Variants in OLFM2 observed in about 807,000 individuals in gnomAD.
The protein encoded by OLFM2 is noelin-2.
A neutral mutation model predicts 43.9 loss-of-function variants in OLFM2; 20 were observed. That is an observed-to-expected ratio of 0.46 (90% CI 0.32 to 0.66). OLFM2 has a LOEUF of 0.66. Ranked by LOEUF, OLFM2 falls within the 30% of genes least tolerant of loss-of-function variation. The pLI is 0.04. For synonymous variants in OLFM2, 268 were observed against 278.6 expected (o/e 0.96, Z 0.38); for missense variants, 416 against 643.6 (o/e 0.65, Z 3.83).
At chr19:9,877,587 AAAAT>A (rs2145450717) in intron 1 of OLFM2, among the ~76,000 whole-genome samples, 1 of 152,154 alleles carries the variant, frequency 6.6e-6, no homozygotes, top group Admixed American at 6.5e-5. Flanking sequence ...CAATAAAATA[AAAAT>A]AAAAAAAGTA....
intron 1 of OLFM2, among the ~76,000 whole-genome samples, chr19:9,923,070 G>T (rs10421548): frequency 0.12 from 17,587 of 152,094 alleles, 2,951 homozygotes; most frequent in African/African-American, 0.38. Context: ...AGACTGTACA[G>T]CAGTTTCTCC....
chr19:9,864,628 CT>C (rs1249631024), intron 1 of OLFM2, among the ~76,000 whole-genome samples: 1 of 150,494 alleles, frequency 6.6e-6, no homozygotes, highest in Non-Finnish European at 1.5e-5. Flanking sequence ...AAGATGGGGT[CT>C]TGCTGTCGCT....
chr19:9,883,394 C>T (rs1324125977), intron 1 of OLFM2, among the ~76,000 whole-genome samples: 3 of 152,050 alleles, frequency 2.0e-5, no homozygotes, highest in African/African-American at 7.2e-5. Flanking sequence ...AGCCTAGAGG[C>T]AGGCACGTCC....
At chr19:9,921,638 G>A (rs149806131) in intron 1 of OLFM2, among the ~76,000 whole-genome samples, 819 of 152,042 alleles carry the variant, frequency 5.4e-3, no homozygotes, top group African/African-American at 0.017. Context: ...ACAGGCGCCC[G>A]CCACCACACC....
At chr19:9,891,302 G>A (rs1190735538) in intron 1 of OLFM2, among the ~76,000 whole-genome samples, 1 of 133,072 alleles carries the variant, frequency 7.5e-6, no homozygotes, top group Non-Finnish European at 1.6e-5. Flanking sequence ...AACAGAGCGA[G>A]ACTCCATCTC....
At chr19:9,914,503 G>A (rs917076835) in intron 1 of OLFM2, among the ~76,000 whole-genome samples, 42 of 152,018 alleles carry the variant, frequency 2.8e-4, no homozygotes, top group Non-Finnish European at 4.6e-4. Context: ...TCGGCCACGG[G>A]AGGAGTTCCC....
intron 1 of OLFM2, among the ~76,000 whole-genome samples, chr19:9,904,055 C>T (rs893307834): frequency 6.6e-6 from 1 of 152,036 alleles, no homozygotes; most frequent in African/African-American, 2.4e-5. Context: ...GCTGCATTAC[C>T]TGGTTGGGCA....
chr19:9,858,140 A>G (rs962881981), intron 2 of OLFM2: 2 of 528,980 alleles, frequency 3.8e-6, no homozygotes, highest in Non-Finnish European at 6.9e-6. Flanking sequence ...CCTGTAGTCA[A>G]TTCTCTACAC....
Position 9,857,953 on chromosome 19 carries a change from G to A in OLFM2, c.214-92C>T, listed in dbSNP as rs1427331305. Reference sequence around the variant, plus strand: ...ACAAGAGCTGGCAGGAACAGAGGCTGTACAAACACCACACCGACGAGGCCA... The same window carrying A: ...ACAAGAGCTGGCAGGAACAGAGGCTATACAAACACCACACCGACGAGGCCA... On this transcript the variant is annotated intron_variant, in intron 2 of 5. Coordinates refer to ENST00000264833, the MANE Select transcript of OLFM2 (RefSeq NM_058164.4). This position sits in a 1 kb window ranked among gnomAD's most constrained non-coding sequence, Gnocchi z 5.7. 8.5e-6 allele frequency: 13 copies of A among 1,534,598 alleles called. No homozygotes were observed. The highest frequency in any genetic ancestry group is 2.3e-5 in the East Asian group (1 of 44,124).
intron 1 of OLFM2, among the ~76,000 whole-genome samples, chr19:9,899,649 C>T (rs11666864): frequency 0.8 from 122,313 of 151,954 alleles, 51,842 homozygotes; most frequent in Non-Finnish European, 0.94. Flanking sequence ...ACCTCTGGGC[C>T]CCAGTGATCC....
chr19:9,936,206 G>T (rs1304603940), intron 1 of OLFM2, 98 bp downstream of exon 1: 3 of 1,334,986 alleles, frequency 2.2e-6, no homozygotes, highest in Non-Finnish European at 3.1e-6. Context: ...AGCTGGGGGG[G>T]CTTGTGGAGC....
At chr19:9,893,950 G>A (rs1293047111) in intron 1 of OLFM2, among the ~76,000 whole-genome samples, 2 of 151,974 alleles carry the variant, frequency 1.3e-5, no homozygotes, top group Admixed American at 6.6e-5. Flanking sequence ...GCTCTCCCCA[G>A]CCTCAGACAC....
At chr19:9,909,595 T>A (rs565876360) in intron 1 of OLFM2, among the ~76,000 whole-genome samples, 75 of 152,282 alleles carry the variant, frequency 4.9e-4, no homozygotes, top group Non-Finnish European at 9.6e-4. Flanking sequence ...ACCACTGAGT[T>A]CCTTTTTAAA....
At chr19:9,876,684 C>T (rs2046491409) in intron 1 of OLFM2, among the ~76,000 whole-genome samples, 1 of 152,174 alleles carries the variant, frequency 6.6e-6, no homozygotes, top group Non-Finnish European at 1.5e-5. Context: ...TAGGTTCGAG[C>T]CTCAGGTCTG....
At chr19:9,900,050 G>A (rs1355271780) in intron 1 of OLFM2, among the ~76,000 whole-genome samples, 3 of 152,240 alleles carry the variant, frequency 2.0e-5, no homozygotes, top group Non-Finnish European at 2.9e-5. Context: ...ACAAATGAGC[G>A]AATCATGGCT....
At chr19:9,890,787 T>C (rs938992237) in intron 1 of OLFM2, among the ~76,000 whole-genome samples, 11 of 151,900 alleles carry the variant, frequency 7.2e-5, no homozygotes, top group Admixed American at 7.2e-4. Context: ...ACCCCTATTC[T>C]ACAAAATATT....
chr19:9,913,692 T>G, intron 1 of OLFM2: 5 of 1,066,784 alleles, frequency 4.7e-6, no homozygotes, highest in Non-Finnish European at 3.4e-6. Context: ...GCTCGGTCCC[T>G]CGACACCCAG....
At chr19:9,859,945 C>A (rs2046354254) in intron 2 of OLFM2, among the ~76,000 whole-genome samples, 1 of 152,088 alleles carries the variant, frequency 6.6e-6, no homozygotes, top group Non-Finnish European at 1.5e-5. Flanking sequence ...AGTTCAAGAC[C>A]AGCATGACTA....
chr19:9,881,794 G>A (rs192130388), intron 1 of OLFM2, among the ~76,000 whole-genome samples: 37 of 151,950 alleles, frequency 2.4e-4, no homozygotes, highest in Middle Eastern at 3.4e-3. Flanking sequence ...TACTGCACCC[G>A]GACCTAATCT....
Sources: gnomAD v4.1 joint callset for allele counts (sites outside exome capture counted in the v4.1 genomes callset) on GRCh38, gnomAD v4.1.1 for gene constraint, Gnocchi (gnomAD v3.1) non-coding constraint, MANE v1.5 for transcripts, NCBI Gene and HGNC (gene_info 2026-07-23, HGNC 2026-07-21) for gene names.